Variants in LCA5 observed in about 807,000 individuals in gnomAD.
LCA5 encodes lebercilin.
LCA5 carries 37 observed loss-of-function variants against 53.0 expected under a neutral mutation model. The observed-to-expected ratio is 0.70, with a 90% CI of 0.54 to 0.92. The LOEUF (loss-of-function observed/expected upper bound fraction) is 0.92. Ranked by LOEUF, LCA5 falls within the 40% of genes least tolerant of loss-of-function variation. LCA5 has a pLI of 0.00. For missense variants in LCA5, 806 were observed against 790.5 expected (o/e 1.02, Z -0.23); for synonymous variants, 303 against 282.9 (o/e 1.07, Z -0.71).
chr6:79,491,884 C>A (rs752632999), intron 5 of LCA5, among the ~76,000 whole-genome samples, 154 bp from the exon 6 acceptor site: 51 of 151,838 alleles, frequency 3.4e-4, no homozygotes, highest in Non-Finnish European at 6.9e-4. Context: ...TATATATATT[C>A]ACCTATATAT....
upstream of LCA5, among the ~76,000 whole-genome samples, chr6:79,538,240 ATTG>A (rs1767218976): frequency 6.6e-6 from 1 of 151,868 alleles, no homozygotes; most frequent in Admixed American, 6.6e-5. Flanking sequence ...TGTTCTCACT[ATTG>A]TTAATTTCTC....
Position 79,486,803 on chromosome 6 carries a change from C to T in LCA5, c.*201G>A. On this transcript the variant is annotated 3_prime_UTR_variant, in exon 8 of 8. Coordinates refer to ENST00000369846, the MANE Select transcript of LCA5 (RefSeq NM_001122769.3). ...ACATATTTTTATTTTTGGTTTCATT[C>T]AAAAAAGCCTCCTTCATTCTTGGCA... 2 of 473,590 alleles carry T rather than the reference C, an allele frequency of 4.2e-6. No individual in the cohort carries two copies. The highest frequency in any genetic ancestry group is 8.5e-5 in the South Asian group (2 of 23,494). The allele number at this position is 473,590 out of a possible 1,614,324, so 29.3% of individuals were successfully genotyped here. A position where few individuals can be genotyped will look rare whatever the true frequency, so the allele number is the denominator to read the frequency against.
At chr6:79,530,073 T>C (rs1287973583) in intron 1 of LCA5, among the ~76,000 whole-genome samples, 1 of 151,978 alleles carries the variant, frequency 6.6e-6, no homozygotes, top group Admixed American at 6.6e-5. Flanking sequence ...ACCTGCACAT[T>C]GTGCACATGT....
chr6:79,514,993 A>T (rs921543183), intron 2 of LCA5, among the ~76,000 whole-genome samples: 3 of 152,086 alleles, frequency 2.0e-5, no homozygotes, highest in Non-Finnish European at 2.9e-5. Flanking sequence ...AAACCTGCAC[A>T]TCCTGCACAT....
intron 7 of LCA5, 154 bp downstream of exon 7, chr6:79,488,930 G>A (rs1319221749): frequency 1.3e-6 from 1 of 782,484 alleles, no homozygotes; most frequent in African/African-American, 1.7e-5. Context: ...AAATGTGTAT[G>A]GCTCCTGATA....
chr6:79,513,854 A>G, intron 2 of LCA5, 113 bp from the exon 3 acceptor site: 1 of 1,008,088 alleles, frequency 9.9e-7, no homozygotes, highest in Non-Finnish European at 1.5e-6. Flanking sequence ...TGTCTTTAAG[A>G]AAGGATTTTA....
rs760536163 is a variant in LCA5, at chr6:79,485,080, T to A, written c.*1924A>T. 6.6e-6 allele frequency: 1 copy of A among 152,544 alleles called. No homozygotes were observed. The highest frequency in any genetic ancestry group is 2.1e-4 in the South Asian group (1 of 4,832). The allele number at this position is 152,544 out of a possible 1,614,324, so 9.4% of individuals were successfully genotyped here. ...AAAACAATTTACCCTGTAAGGTTTGTTCATAAGGAAAACCCTGTTTTGTAC... is the reference window on the plus strand; with the variant it reads ...AAAACAATTTACCCTGTAAGGTTTGATCATAAGGAAAACCCTGTTTTGTAC... On this transcript the variant is annotated 3_prime_UTR_variant, in exon 8 of 8. Coordinates refer to ENST00000369846, the MANE Select transcript of LCA5 (RefSeq NM_001122769.3).
Position 79,513,285 on chromosome 6 carries a change from G to A in LCA5, c.647C>T (p.Pro216Leu). 3 of 1,613,496 alleles carry A rather than the reference G, an allele frequency of 1.9e-6. No individual in the cohort carries two copies. Among genetic ancestry groups the A allele is most frequent in the Non-Finnish European group, 2.5e-6 (3 of 1,179,756 alleles). Residue 216 changes from proline (P) to leucine (L), a missense_variant, in exon 3 of 8, where the codon CCT becomes CTT. Transcript: ENST00000369846. ...TTTCTTTGCCAAATCATCTCGTTCA[G>A]GTAGGTGTCTAGCTTCAGAGATCTC... is the stretch of plus-strand genomic sequence containing the variant. ...LKEISEARHL[P>L]ERDDLAKKLV... is the part of the protein sequence containing the mutation.
chr6:79,528,041 C>A (rs1562113593), intron 1 of LCA5, among the ~76,000 whole-genome samples: 1 of 152,144 alleles, frequency 6.6e-6, no homozygotes, highest in African/African-American at 2.4e-5. Context: ...GGTACAAGCC[C>A]TCAACAAGAG....
upstream of LCA5, among the ~76,000 whole-genome samples, chr6:79,538,021 T>TTTTG (rs1767208425): frequency 1.6e-5 from 1 of 62,942 alleles, no homozygotes; most frequent in Non-Finnish European, 2.9e-5. Context: ...CACACAAGTT[T>TTTTG]TTTTTTTTTT....
Position 79,495,750 on chromosome 6 carries a change from C to CAAAA in LCA5, c.721-2004_721-2001dup, listed in dbSNP as rs10637240. ...TGGGTGACAGAGCAAGACTCCATCT[C>CAAAA]AAAAAAAAAAAAAAAAAAAGTCGGT... On this transcript the variant is annotated intron_variant, in intron 3 of 7. Transcript: ENST00000369846. Among the ~76,000 whole-genome samples the CAAAA allele has an allele frequency of 1.0e-3, 76 of 73,786 alleles. 1 individual carries two copies. Among genetic ancestry groups the CAAAA allele is most frequent in the East Asian group, 6.9e-3 (23 of 3,354 alleles). The allele number at this position is 73,786 out of a possible 152,430, so 48.4% of individuals were successfully genotyped here.
Position 79,531,409 on chromosome 6 carries a change from A to T in LCA5, c.-192+5756T>A, listed in dbSNP as rs1246119870. Among the ~76,000 whole-genome samples, 3 of 152,176 alleles carry T rather than the reference A, an allele frequency of 2.0e-5. No individual in the cohort carries two copies. The East Asian group carries it at 5.8e-4, about 29-fold the overall frequency. On this transcript the variant is annotated intron_variant, in intron 1 of 7. Transcript: ENST00000369846. ...GAGGTGCTAATGAAGCTGATGCTTG[A>T]TTCCATGTTCTGTTGCATCTGCAAC...
rs952103903 is a variant in LCA5 at position 79,486,564 on chromosome 6, GT to G, written c.*439del. 3.1e-5 allele frequency: 5 copies of G among 163,788 alleles called. No individual in the cohort carries two copies. Among genetic ancestry groups the G allele is most frequent in the African/African-American group, 1.2e-4 (5 of 41,566 alleles). 10.1% of individuals were successfully genotyped at this position (163,788 alleles called of 1,614,324 possible). A position where few individuals can be genotyped will look rare whatever the true frequency, so the allele number is the denominator to read the frequency against. ...AGGGAAGGGCTCCTAAGAAGCACTG[GT>G]TCTCCACCATCCGGAGCTACACTTC... On this transcript the variant is annotated 3_prime_UTR_variant, in exon 8 of 8. Coordinates refer to ENST00000369846, the MANE Select transcript of LCA5 (RefSeq NM_001122769.3).
At chr6:79,488,071 T>C (rs1444393431) in intron 7 of LCA5, 1 of 521,788 alleles carries the variant, frequency 1.9e-6, no homozygotes, top group African/African-American at 2.0e-5. Flanking sequence ...AAGATTCTCA[T>C]TTATAAAAAA....
intron 1 of LCA5, among the ~76,000 whole-genome samples, chr6:79,530,046 A>G (rs1008323790): frequency 6.6e-6 from 1 of 151,926 alleles, no homozygotes; most frequent in Non-Finnish European, 1.5e-5. Context: ...CATGGCACAC[A>G]TATACATATG....
At chr6:79,518,626 A>G (rs1007678476) in intron 2 of LCA5, 79 bp downstream of exon 2, 8 of 1,266,154 alleles carry the variant, frequency 6.3e-6, no homozygotes, top group Middle Eastern at 1.9e-4. Flanking sequence ...CTAATAAAAG[A>G]GTATCATGCA....
intron 1 of LCA5, among the ~76,000 whole-genome samples, chr6:79,526,463 G>T (rs1475198804): frequency 1.3e-5 from 2 of 152,126 alleles, no homozygotes; most frequent in Admixed American, 1.3e-4. Flanking sequence ...AGAATGGCGT[G>T]AACCCAGGAG....
intron 1 of LCA5, among the ~76,000 whole-genome samples, chr6:79,531,778 T>C (rs1766966245): frequency 6.6e-6 from 1 of 152,178 alleles, no homozygotes; most frequent in Non-Finnish European, 1.5e-5. Context: ...TGATCTATTT[T>C]CCTGGTTTGC....
rs765762174 is a variant in LCA5 at position 79,487,087 on chromosome 6, G to A, written c.2011C>T (p.Arg671Ter). The A allele has an allele frequency of 9.3e-6, 15 of 1,613,114 alleles. No individual in the cohort carries two copies. Among genetic ancestry groups the A allele is most frequent in the Non-Finnish European group, 1.3e-5 (15 of 1,179,418 alleles). The change falls in exon 8 of 8, where the codon CGA becomes TGA. Residue 671 changes from arginine to a stop codon, truncating the protein, a stop_gained. Coordinates refer to ENST00000369846, the MANE Select transcript of LCA5 (RefSeq NM_001122769.3). LOFTEE classifies it high-confidence loss of function. ...EGRSFNPNRHRLKHADDKPAV... is the reference protein window; with the variant it reads ...EGRSFNPNRH ...GGTTTATCGTCTGCATGTTTTAATC[G>A]GTGCCTATTTGGATTAAAACTTCTT... is the stretch of plus-strand genomic sequence containing the variant.
Sources: gnomAD v4.1 joint callset for allele counts (sites outside exome capture counted in the v4.1 genomes callset) on GRCh38, gnomAD v4.1.1 for gene constraint, MANE v1.5 for transcripts, NCBI Gene and HGNC (gene_info 2026-07-23, HGNC 2026-07-21) for gene names.